Variants in MAGI2 observed in about 807,000 individuals in gnomAD.
The protein encoded by MAGI2 is membrane-associated guanylate kinase, WW and PDZ domain-containing protein 2.
MAGI2 carries 35 observed loss-of-function variants against 133.3 expected under a neutral mutation model. That is an observed-to-expected ratio of 0.26 (90% CI 0.20 to 0.35). The LOEUF (loss-of-function observed/expected upper bound fraction) is 0.35, where lower values mean the gene tolerates loss of function less well. MAGI2 is among the 10% of genes least tolerant of loss of function. The pLI, the probability that MAGI2 is intolerant of heterozygous loss-of-function variation, is 1.00. For missense variants in MAGI2, 1,636 were observed against 1,863.4 expected (o/e 0.88, Z 2.25); for synonymous variants, 729 against 710.6 (o/e 1.03, Z -0.41).
intron 1 of MAGI2, among the ~76,000 whole-genome samples, chr7:79,226,228 G>C (rs1013516522): frequency 6.6e-6 from 1 of 152,158 alleles, no homozygotes; most frequent in Non-Finnish European, 1.5e-5. Flanking sequence ...TTGCTGAACA[G>C]ACTAGAAGGA....
At chr7:78,638,758 A>G (rs886685643) in intron 2 of MAGI2, among the ~76,000 whole-genome samples, 24 of 152,214 alleles carry the variant, frequency 1.6e-4, no homozygotes, top group African/African-American at 5.5e-4. Flanking sequence ...AAGAAGACAA[A>G]TGACCCTTTT....
At chr7:78,994,586 C>T (rs1806102646) in intron 2 of MAGI2, among the ~76,000 whole-genome samples, 1 of 152,006 alleles carries the variant, frequency 6.6e-6, no homozygotes, top group South Asian at 2.1e-4. Flanking sequence ...AGAAACCAGA[C>T]CTATAGTGAC....
intron 1 of MAGI2, among the ~76,000 whole-genome samples, chr7:79,052,239 C>T (rs1812740593): frequency 6.6e-6 from 1 of 152,152 alleles, no homozygotes; most frequent in African/African-American, 2.4e-5. Flanking sequence ...ACACAAAGGA[C>T]ATTCGACAGG....
intron 1 of MAGI2, among the ~76,000 whole-genome samples, chr7:79,036,860 T>C (rs1478155153): frequency 1.3e-5 from 2 of 152,144 alleles, no homozygotes; most frequent in African/African-American, 4.8e-5. Context: ...AAAACTCAGA[T>C]CTATTGAGTC....
intron 2 of MAGI2, among the ~76,000 whole-genome samples, chr7:78,728,314 A>AT (rs1370314833): frequency 6.6e-6 from 1 of 152,118 alleles, no homozygotes; most frequent in Admixed American, 6.5e-5. Context: ...GTCATCAGGT[A>AT]TTCACCCTTT....
intron 3 of MAGI2, among the ~76,000 whole-genome samples, chr7:78,573,307 TATATAAA>T: frequency 2.0e-5 from 1 of 49,812 alleles, no homozygotes; most frequent in Non-Finnish European, 3.7e-5. Context: ...TATATTTATA[TATATAAA>T]TATATAAATA....
chr7:78,877,757 A>G (rs904002744), intron 2 of MAGI2, among the ~76,000 whole-genome samples: 1 of 152,214 alleles, frequency 6.6e-6, no homozygotes, highest in Non-Finnish European at 1.5e-5. Flanking sequence ...AATAAAAAAT[A>G]TGACCCATCT....
intron 2 of MAGI2, among the ~76,000 whole-genome samples, chr7:79,002,709 A>T (rs149880279): frequency 9.9e-4 from 150 of 152,152 alleles, no homozygotes; most frequent in Admixed American, 1.7e-3. Context: ...AAACATTTCC[A>T]TTGAGAAACT....
chr7:78,859,336 G>A (rs1172884301), intron 2 of MAGI2, among the ~76,000 whole-genome samples: 1 of 152,014 alleles, frequency 6.6e-6, no homozygotes, highest in African/African-American at 2.4e-5. Context: ...TCCTAGCATC[G>A]ATGGTCTTTA....
intron 2 of MAGI2, among the ~76,000 whole-genome samples, chr7:78,681,534 C>G (rs964857412): frequency 2.0e-5 from 3 of 152,220 alleles, no homozygotes; most frequent in Admixed American, 2.0e-4. Flanking sequence ...TGAAGTCCCC[C>G]AGATTAGAAC....
At chr7:78,930,279 A>C (rs998103190) in intron 2 of MAGI2, among the ~76,000 whole-genome samples, 4 of 152,156 alleles carry the variant, frequency 2.6e-5, no homozygotes, top group African/African-American at 9.6e-5. Flanking sequence ...TTAAGATATC[A>C]AACAATTTCC....
chr7:78,095,991 A>T (rs1817656405), intron 20 of MAGI2, among the ~76,000 whole-genome samples: 1 of 152,228 alleles, frequency 6.6e-6, no homozygotes, highest in South Asian at 2.1e-4. Flanking sequence ...TGGAAAAGTG[A>T]CTTCATTTTC....
intron 2 of MAGI2, among the ~76,000 whole-genome samples, chr7:78,678,871 T>C (rs321975): frequency 0.38 from 57,115 of 151,934 alleles, 11,202 homozygotes; most frequent in East Asian, 0.65. Context: ...TTCTGAAATA[T>C]AGAGAACATT....
intron 6 of MAGI2, among the ~76,000 whole-genome samples, chr7:78,371,505 T>A (rs776028519): frequency 6.6e-6 from 1 of 152,094 alleles, no homozygotes; most frequent in East Asian, 1.9e-4. Flanking sequence ...CAATGCCATA[T>A]GGAAGCATTT....
chr7:78,558,918 G>A (rs949089204), intron 3 of MAGI2, among the ~76,000 whole-genome samples: 5 of 146,336 alleles, frequency 3.4e-5, no homozygotes, highest in Non-Finnish European at 5.9e-5. Context: ...TTTAATAATC[G>A]AGGTCATGTG....
Position 78,752,198 on chromosome 7 carries a change from C to T in MAGI2, c.419-124959G>A, listed in dbSNP as rs118046046. Among the ~76,000 whole-genome samples, 131 of 152,322 alleles carry T rather than the reference C, an allele frequency of 8.6e-4. No homozygotes were observed. In the East Asian group the frequency reaches 0.011, roughly 13 times the overall value. On this transcript the variant is annotated intron_variant, in intron 2 of 21. Transcript: ENST00000354212. ...AAGACTGCTAAAGAAGTAGCAGTTG[C>T]TTATATCAGCAGCAGAGGGGAAGTT...
intron 1 of MAGI2, among the ~76,000 whole-genome samples, chr7:79,246,592 AAC>A (rs1832837537): frequency 6.6e-6 from 1 of 152,206 alleles, no homozygotes; most frequent in Non-Finnish European, 1.5e-5. Flanking sequence ...GCTATTTGAA[AAC>A]ACACAGTCAG....
chr7:79,271,461 GC>G (rs1335725361), intron 1 of MAGI2, among the ~76,000 whole-genome samples: 1 of 152,038 alleles, frequency 6.6e-6, no homozygotes, highest in Non-Finnish European at 1.5e-5. Context: ...ATTGGAATCA[GC>G]TTGCCTTGTG....
intron 1 of MAGI2, among the ~76,000 whole-genome samples, chr7:79,325,873 C>T (rs558026034): frequency 6.6e-6 from 1 of 152,104 alleles, no homozygotes; most frequent in Non-Finnish European, 1.5e-5. Context: ...TGATACTACA[C>T]CTGATACCAC....
Sources: gnomAD v4.1 joint callset for allele counts (sites outside exome capture counted in the v4.1 genomes callset) on GRCh38, gnomAD v4.1.1 for gene constraint, MANE v1.5 for transcripts, NCBI Gene and HGNC (gene_info 2026-07-23, HGNC 2026-07-21) for gene names.